AGFG1: variants seen among roughly 807,000 people sequenced by gnomAD.
AGFG1 encodes the protein arf-GAP domain and FG repeat-containing protein 1.
Under a neutral mutation model 60.6 loss-of-function variants are expected in AGFG1, and 10 were observed. The observed-to-expected ratio is 0.16, with a 90% CI of 0.10 to 0.28. The LOEUF is 0.28. Ranked by LOEUF, AGFG1 falls within the 10% of genes least tolerant of loss-of-function variation. The pLI is 1.00. For missense variants in AGFG1, 537 were observed against 676.5 expected, an observed-to-expected ratio of 0.79 and a Z score of 2.29; for synonymous variants, 247 against 242.9, an observed-to-expected ratio of 1.02 and a Z score of -0.16.
chr2:227,491,553 A>T lies in AGFG1; in HGVS notation c.174A>T (p.Gly58=), dbSNP rs769617030. Reference sequence around the variant, plus strand: ...AAAATATTTTATCTTTTAGGCGAGGATTAAATCCACCACACAGGGTGAAAT... The same window carrying T: ...AAAATATTTTATCTTTTAGGCGAGGTTTAAATCCACCACACAGGGTGAAAT... The part of the protein sequence containing the change: ...VCTSCSGSLR[G]LNPPHRVKSI... The change falls in exon 2 of 13, where the codon GGA becomes GGT. Residue 58 remains glycine (G), a synonymous_variant. Coordinates refer to ENST00000310078, the MANE Select transcript of AGFG1 (RefSeq NM_004504.5). The T allele has an allele frequency of 6.5e-7, 1 of 1,537,926 alleles. No homozygotes were observed. The highest frequency in any genetic ancestry group is 8.7e-7 in the Non-Finnish European group (1 of 1,146,658).
intron 6 of AGFG1, 69 bp downstream of exon 6, chr2:227,531,279 A>G: frequency 1.3e-6 from 2 of 1,535,550 alleles, no homozygotes; most frequent in South Asian, 2.5e-5. Flanking sequence ...TGTAGTTTTG[A>G]AAAATTAGTC....
chr2:227,484,476 G>A (rs1274687736), intron 1 of AGFG1, among the ~76,000 whole-genome samples: 1 of 151,926 alleles, frequency 6.6e-6, no homozygotes, highest in Admixed American at 6.6e-5. Context: ...ACCGCGCCTG[G>A]CTCATTTAAG....
chr2:227,543,050 C>T (rs1028752333), intron 10 of AGFG1, among the ~76,000 whole-genome samples: 2 of 151,932 alleles, frequency 1.3e-5, no homozygotes, highest in Non-Finnish European at 2.9e-5. Flanking sequence ...TCTCTCTTTT[C>T]TTCTTTATTA....
chr2:227,522,243 G>C (rs1691847041), intron 3 of AGFG1, among the ~76,000 whole-genome samples: 1 of 152,200 alleles, frequency 6.6e-6, no homozygotes, highest in Admixed American at 6.5e-5. Context: ...GAAAATCCTA[G>C]AAGGTGGGTT....
At chr2:227,497,735 G>GTT (rs869114764) in intron 2 of AGFG1, among the ~76,000 whole-genome samples, 753 of 28,026 alleles carry the variant, frequency 0.027, 184 homozygotes, top group African/African-American at 0.087. Flanking sequence ...TTCTTGTTTT[G>GTT]TTTTTTTTTT....
intron 10 of AGFG1, among the ~76,000 whole-genome samples, chr2:227,550,342 T>C (rs1248925596): frequency 6.6e-6 from 1 of 152,252 alleles, no homozygotes; most frequent in African/African-American, 2.4e-5. Flanking sequence ...TACATGGTCA[T>C]ATTAGAATGT....
At chr2:227,529,199 T>C (rs1017244042) in intron 5 of AGFG1, among the ~76,000 whole-genome samples, 1 of 152,198 alleles carries the variant, frequency 6.6e-6, no homozygotes, top group Non-Finnish European at 1.5e-5. Flanking sequence ...GGAGTAGTTT[T>C]TAGTTAAATA....
At chr2:227,552,297 G>A (rs982744551) in intron 11 of AGFG1, among the ~76,000 whole-genome samples, 180 bp downstream of exon 11, 1 of 152,202 alleles carries the variant, frequency 6.6e-6, no homozygotes, top group Non-Finnish European at 1.5e-5. Flanking sequence ...GATTTTACAA[G>A]TTTTTGTGAG....
At chr2:227,535,915 G>A (rs1692295438) in intron 8 of AGFG1, among the ~76,000 whole-genome samples, 1 of 152,106 alleles carries the variant, frequency 6.6e-6, no homozygotes, top group African/African-American at 2.4e-5. Flanking sequence ...GGTCTGTGAG[G>A]TTAAAACTTT....
At chr2:227,529,369 T>C (rs1692095162) in intron 5 of AGFG1, among the ~76,000 whole-genome samples, 1 of 152,190 alleles carries the variant, frequency 6.6e-6, no homozygotes, top group Non-Finnish European at 1.5e-5. Flanking sequence ...AATTTTATCC[T>C]GAACAGTTTG....
At chr2:227,531,783 T>G (rs921931832) in intron 6 of AGFG1, among the ~76,000 whole-genome samples, 1 of 152,074 alleles carries the variant, frequency 6.6e-6, no homozygotes, top group Non-Finnish European at 1.5e-5. Flanking sequence ...TAGGCTGACA[T>G]TATACCTCTT....
chr2:227,486,436 T>C (rs1374713846), intron 1 of AGFG1, among the ~76,000 whole-genome samples: 1 of 152,206 alleles, frequency 6.6e-6, no homozygotes, highest in East Asian at 1.9e-4. Context: ...AGTGCCAGTC[T>C]AGATACTGTA....
intron 1 of AGFG1, among the ~76,000 whole-genome samples, chr2:227,477,582 A>G (rs181495892): frequency 7.9e-4 from 121 of 152,234 alleles, no homozygotes; most frequent in African/African-American, 2.9e-3. Context: ...TGTGTTTCAA[A>G]TGGCAGAAAA....
intron 1 of AGFG1, among the ~76,000 whole-genome samples, chr2:227,490,689 AC>A (rs1218078956): frequency 1.3e-5 from 2 of 152,086 alleles, no homozygotes; most frequent in Admixed American, 6.5e-5. Context: ...TGCGTAGGTT[AC>A]TTGGTATTTT....
intron 3 of AGFG1, 115 bp from the exon 4 acceptor site, chr2:227,523,648 T>C: frequency 1.9e-6 from 2 of 1,037,030 alleles, no homozygotes. Flanking sequence ...TGAGAGGGTT[T>C]TCAGATAAGA....
At chr2:227,508,049 T>C (rs2106190974) in intron 2 of AGFG1, among the ~76,000 whole-genome samples, 1 of 152,188 alleles carries the variant, frequency 6.6e-6, no homozygotes, top group South Asian at 2.1e-4. Context: ...TATTCAGAAA[T>C]GTTGAAAGAA....
chr2:227,480,110 T>C (rs1690411037), intron 1 of AGFG1, among the ~76,000 whole-genome samples: 1 of 152,210 alleles, frequency 6.6e-6, no homozygotes, highest in Admixed American at 6.5e-5. Flanking sequence ...CTGATCAAGA[T>C]GGTAAGGAAG....
rs867266489 is a variant in AGFG1, at chr2:227,560,591, C to T, written c.*6096C>T. ...AAAAAGTGCATGGCTTGGGGCTATA[C>T]TTTGTTTTGCAGTTTGTTGGTATCG... On this transcript the variant is annotated 3_prime_UTR_variant, in exon 13 of 13. Coordinates refer to ENST00000310078, the MANE Select transcript of AGFG1 (RefSeq NM_004504.5). 2.0e-5 allele frequency: 3 copies of T among 152,084 alleles called. No homozygotes were observed. The highest frequency in any genetic ancestry group is 4.4e-5 in the Non-Finnish European group (3 of 67,964). The allele number at this position is 152,084 out of a possible 1,614,324, so 9.4% of individuals were successfully genotyped here.
chr2:227,487,333 G>A lies in AGFG1; in HGVS notation c.168-4214G>A, dbSNP rs1037979815. Among the ~76,000 whole-genome samples, 34 of 150,702 alleles carry A rather than the reference G, an allele frequency of 2.3e-4. 1 individual carries two copies. The highest frequency in any genetic ancestry group is 8.0e-4 in the African/African-American group (33 of 41,074). On this transcript the variant is annotated intron_variant, in intron 1 of 12. Coordinates refer to ENST00000310078, the MANE Select transcript of AGFG1 (RefSeq NM_004504.5). ...ATTATGAATAGAAAAAAATTCATTC[G>A]ATCTCGTCACTTATATACAAGACCT...
Sources: gnomAD v4.1 joint callset for allele counts (sites outside exome capture counted in the v4.1 genomes callset) on GRCh38, gnomAD v4.1.1 for gene constraint, MANE v1.5 for transcripts, NCBI Gene and HGNC (gene_info 2026-07-23, HGNC 2026-07-21) for gene names.